BCAR3: variants seen among roughly 807,000 people sequenced by gnomAD.
BCAR3 encodes breast cancer anti-estrogen resistance protein 3.
Under a neutral mutation model 80.1 loss-of-function variants are expected in BCAR3, and 37 were observed. The ratio of observed to expected loss-of-function variants is 0.46; its 90% CI spans 0.36 to 0.61. The LOEUF is 0.61. Among genes scored for constraint, BCAR3 ranks in the 20% least tolerant of loss-of-function variants. The pLI is 0.00. For missense variants in BCAR3, 978 were observed against 1,068.2 expected, an observed-to-expected ratio of 0.92 and a Z score of 1.18; for synonymous variants, 389 against 418.9, an observed-to-expected ratio of 0.93 and a Z score of 0.87.
intron 2 of BCAR3, among the ~76,000 whole-genome samples, chr1:93,750,835 C>T (rs75887508): frequency 0.015 from 2,356 of 152,258 alleles, 54 homozygotes; most frequent in African/African-American, 0.054. Context: ...GTCAAGATAC[C>T]CTGGATCTTT....
intron 8 of BCAR3, among the ~76,000 whole-genome samples, chr1:93,573,615 A>ATTTGTTTTTTTTTTTTTTTTTTTTTT (rs919862286): frequency 7.7e-6 from 1 of 129,800 alleles, no homozygotes; most frequent in Non-Finnish European, 1.7e-5. Flanking sequence ...TATTTTTATT[A>ATTTGTTTTTTTTTTTTTTTTTTTTTT]TTATTATTAT....
chr1:93,671,147 T>A (rs1191315357), intron 2 of BCAR3, among the ~76,000 whole-genome samples: 1 of 152,024 alleles, frequency 6.6e-6, no homozygotes, highest in African/African-American at 2.4e-5. Flanking sequence ...CACACGCCAA[T>A]ATGCCCAGCT....
intron 3 of BCAR3, among the ~76,000 whole-genome samples, chr1:93,693,255 G>A (rs1006869582): frequency 6.6e-6 from 1 of 152,234 alleles, no homozygotes; most frequent in African/African-American, 2.4e-5. Context: ...CTAGGCTTAG[G>A]GAATAGCACT....
chr1:93,781,758 C>A (rs1321607330), intron 2 of BCAR3, among the ~76,000 whole-genome samples: 2 of 152,196 alleles, frequency 1.3e-5, no homozygotes, highest in African/African-American at 4.8e-5. Flanking sequence ...GTCTACTTTC[C>A]TATCTCTTCC....
At chr1:93,816,896 G>C (rs1654039952) in intron 2 of BCAR3, among the ~76,000 whole-genome samples, 1 of 151,964 alleles carries the variant, frequency 6.6e-6, no homozygotes, top group African/African-American at 2.4e-5. Context: ...TACAAAAACA[G>C]GTGCTAACTT....
intron 3 of BCAR3, among the ~76,000 whole-genome samples, chr1:93,603,998 A>T (rs1674700881): frequency 6.6e-6 from 1 of 152,216 alleles, no homozygotes; most frequent in Non-Finnish European, 1.5e-5. Context: ...ACGTTTAAGC[A>T]CCTTGATGAA....
chr1:93,806,245 T>C (rs1290833377), intron 2 of BCAR3, among the ~76,000 whole-genome samples: 2 of 152,186 alleles, frequency 1.3e-5, no homozygotes, highest in Non-Finnish European at 2.9e-5. Context: ...GCATTTGATA[T>C]GCATAAACAC....
intron 2 of BCAR3, among the ~76,000 whole-genome samples, chr1:93,760,913 C>A (rs1651922410): frequency 6.6e-6 from 1 of 152,046 alleles, no homozygotes. Flanking sequence ...ACCTTTGAGG[C>A]CAGAGAGGAG....
In BCAR3 at chr1:93,654,952, C is replaced by T. The variant is rs540046480; in HGVS notation, c.318-12609G>A. On this transcript the variant is annotated intron_variant, in intron 2 of 11. Coordinates refer to ENST00000260502, the MANE Select transcript of BCAR3 (RefSeq NM_003567.4). ...TGTTTGCTCAGGGTCTATCTTTCCC[C>T]TGGAATACAACCCTCCAAGGGTGAG... Among the ~76,000 whole-genome samples, 6 of 152,346 alleles carry T rather than the reference C, an allele frequency of 3.9e-5. No individual in the cohort carries two copies. The East Asian group carries it at 1.2e-3, about 29-fold the overall frequency.
intron 2 of BCAR3, among the ~76,000 whole-genome samples, chr1:93,762,810 C>G (rs548650813): frequency 9.9e-4 from 150 of 152,194 alleles, no homozygotes; most frequent in Non-Finnish European, 1.7e-3. Flanking sequence ...CACCCACTCT[C>G]TCTCTCTCCC....
intron 3 of BCAR3, among the ~76,000 whole-genome samples, chr1:93,597,675 A>G (rs1570951879): frequency 6.6e-6 from 1 of 152,252 alleles, no homozygotes. Context: ...TAATAGACTC[A>G]TATCAGGATG....
intron 2 of BCAR3, among the ~76,000 whole-genome samples, chr1:93,719,334 GTTTTTTTTTTTTTTT>G (rs1217381018): frequency 4.1e-5 from 3 of 73,206 alleles, no homozygotes; most frequent in African/African-American, 1.7e-4. Context: ...AAACTTTCTT[GTTTTTTTTTTTTTTT>G]TTTTTTTTTT....
intron 2 of BCAR3, among the ~76,000 whole-genome samples, chr1:93,790,658 T>G (rs1465554906): frequency 6.9e-6 from 1 of 143,892 alleles, no homozygotes; most frequent in Non-Finnish European, 1.5e-5. Context: ...TTAATTTTTT[T>G]TTTTTTAATT....
chr1:93,732,733 C>T (rs1650834628), intron 2 of BCAR3, among the ~76,000 whole-genome samples: 1 of 152,238 alleles, frequency 6.6e-6, no homozygotes, highest in Non-Finnish European at 1.5e-5. Context: ...ATCCCACCGT[C>T]CTTCAGCCTT....
At chr1:93,581,291 T>C (rs1673696756) in intron 7 of BCAR3, among the ~76,000 whole-genome samples, 1 of 152,242 alleles carries the variant, frequency 6.6e-6, no homozygotes, top group Non-Finnish European at 1.5e-5. Flanking sequence ...CACATGCAAT[T>C]ATTTACATGT....
chr1:93,753,313 T>G (rs138157662), intron 2 of BCAR3: 1 of 152,236 alleles, frequency 6.6e-6, no homozygotes, highest in Non-Finnish European at 1.5e-5. Context: ...AGAATAAAGA[T>G]GCAGCTACAC....
At chr1:93,831,104 C>T (rs768340927) in intron 2 of BCAR3, among the ~76,000 whole-genome samples, 36 of 152,232 alleles carry the variant, frequency 2.4e-4, no homozygotes, top group South Asian at 4.2e-4. Flanking sequence ...ACTGTGGGGA[C>T]GCCTGCCTGA....
chr1:93,590,860 T>C (rs1674143557), intron 4 of BCAR3, among the ~76,000 whole-genome samples: 1 of 152,096 alleles, frequency 6.6e-6, no homozygotes, highest in African/African-American at 2.4e-5. Context: ...AGACATACAA[T>C]GTAGGCTGGT....
chr1:93,796,917 T>A (rs2747050), intron 2 of BCAR3, among the ~76,000 whole-genome samples: 43,584 of 152,102 alleles, frequency 0.29, 7,218 homozygotes, highest in East Asian at 0.53. Flanking sequence ...ACGGGTATTA[T>A]TAAAAATGAT....
Sources: allele counts gnomAD v4.1 joint callset (sites outside exome capture counted in the v4.1 genomes callset), GRCh38; gene constraint gnomAD v4.1.1; transcripts MANE v1.5; gene names NCBI Gene and HGNC (gene_info 2026-07-23, HGNC 2026-07-21).